The following ANKFN1 variants were observed in gnomAD, a reference collection of about 807,000 sequenced individuals.
The protein encoded by ANKFN1 is ankyrin repeat and fibronectin type III domain containing 1, also known as ankyrin repeat and fibronectin type-III domain-containing protein 1.
In ANKFN1, 74 loss-of-function variants were observed where a neutral mutation model predicts 108.7. The observed-to-expected ratio is 0.68, with a 90% CI of 0.56 to 0.83. ANKFN1 has a LOEUF of 0.83. Among genes scored for constraint, ANKFN1 ranks in the 40% least tolerant of loss-of-function variants. ANKFN1 has a pLI of 0.00. For synonymous variants in ANKFN1, 547 were observed against 516.2 expected (o/e 1.06, Z -0.81); for missense variants, 1,505 against 1,382.3 (o/e 1.09, Z -1.41).
intron 4 of ANKFN1, among the ~76,000 whole-genome samples, chr17:56,080,635 A>G (rs73325614): frequency 0.05 from 7,677 of 152,220 alleles, 625 homozygotes; most frequent in African/African-American, 0.17. Context: ...TTTCTACACC[A>G]TCCCCACCCA....
At chr17:56,284,559 T>A (rs1263236855) in intron 3 of ANKFN1, among the ~76,000 whole-genome samples, 1 of 152,138 alleles carries the variant, frequency 6.6e-6, no homozygotes, top group African/African-American at 2.4e-5. Context: ...CAAAACAATA[T>A]GTGATGGAAA....
intron 4 of ANKFN1, among the ~76,000 whole-genome samples, chr17:56,338,401 T>G (rs2045874325): frequency 6.6e-6 from 1 of 152,010 alleles, no homozygotes; most frequent in African/African-American, 2.4e-5. Context: ...TGTATACCTA[T>G]GTAACAAACC....
chr17:56,467,838 GAAAGAAAGAAAGAAA>G (rs2050177346), intron 15 of ANKFN1, among the ~76,000 whole-genome samples: 1 of 63,572 alleles, frequency 1.6e-5, no homozygotes, highest in Non-Finnish European at 3.0e-5. Flanking sequence ...AAGAAAGAAA[GAAAGAAAGAAAGAAA>G]AAGGGAAAGA....
chr17:56,172,085 T>C (rs1455443593), intron 1 of ANKFN1, among the ~76,000 whole-genome samples: 2 of 152,206 alleles, frequency 1.3e-5, no homozygotes, highest in African/African-American at 4.8e-5. Context: ...ATGACTAATA[T>C]AGTTTATTTT....
intron 4 of ANKFN1, among the ~76,000 whole-genome samples, chr17:56,113,020 G>A (rs546559450): frequency 1.3e-5 from 2 of 152,276 alleles, no homozygotes; most frequent in East Asian, 3.9e-4. Flanking sequence ...GAGCTAAATC[G>A]TATATGCAAC....
rs750155160 is a variant in ANKFN1, at chr17:56,440,370, AATCATC to A, written c.957_962del (p.Ile319_Ile320del). On this transcript the variant is annotated inframe_deletion, in exon 9 of 21. Transcript: ENST00000682825. ...AAGACTTTTCTCCTTTGGCTGGAGA[AATCATC>A]ATGGATAATCTGCAGACTCTGAGAT... 2 of 1,612,904 alleles carry A rather than the reference AATCATC, an allele frequency of 1.2e-6. No individual in the cohort carries two copies. The highest frequency in any genetic ancestry group is 1.7e-6 in the Non-Finnish European group (2 of 1,179,206).
At chr17:56,121,322 A>G (rs1381969238) in intron 4 of ANKFN1, among the ~76,000 whole-genome samples, 1 of 152,070 alleles carries the variant, frequency 6.6e-6, no homozygotes, top group Non-Finnish European at 1.5e-5. Context: ...AACGTCTTTC[A>G]GAGAATCAGC....
At chr17:56,160,541 C>T (rs1909557720) in intron 1 of ANKFN1, among the ~76,000 whole-genome samples, 1 of 152,094 alleles carries the variant, frequency 6.6e-6, no homozygotes, top group Non-Finnish European at 1.5e-5. Context: ...AAGGTTTATT[C>T]ATTTGCCAAG....
chr17:56,471,533 T>C (rs538259489), intron 15 of ANKFN1: 3 of 152,244 alleles, frequency 2.0e-5, no homozygotes, highest in African/African-American at 7.2e-5. Flanking sequence ...TTGCTGGAAA[T>C]GAGGCAATTG....
intron 4 of ANKFN1, among the ~76,000 whole-genome samples, chr17:56,075,930 G>A (rs1189948765): frequency 2.6e-5 from 4 of 152,136 alleles, no homozygotes; most frequent in African/African-American, 9.7e-5. Context: ...CAAACTTGAC[G>A]ACAAGACTGA....
At chr17:56,120,179 C>T (rs1349051115) in intron 4 of ANKFN1, among the ~76,000 whole-genome samples, 2 of 152,146 alleles carry the variant, frequency 1.3e-5, no homozygotes, top group African/African-American at 2.4e-5. Flanking sequence ...CTACTCTTGT[C>T]ATCATTGTCA....
chr17:56,224,632 A>G (rs1204108983), intron 2 of ANKFN1: 1 of 152,208 alleles, frequency 6.6e-6, no homozygotes, highest in African/African-American at 2.4e-5. Flanking sequence ...ATGAGTGTCA[A>G]TTGTAGGTTA....
At chr17:56,308,230 A>G (rs1345055411) in intron 3 of ANKFN1, among the ~76,000 whole-genome samples, 1 of 128,692 alleles carries the variant, frequency 7.8e-6, no homozygotes, top group Non-Finnish European at 1.8e-5. Flanking sequence ...TACAACTTAA[A>G]GTATAATAAA....
chr17:56,353,240 CT>C (rs61278649), intron 5 of ANKFN1, among the ~76,000 whole-genome samples: 24,932 of 142,906 alleles, frequency 0.17, 3,761 homozygotes, highest in African/African-American at 0.42. Context: ...CTCTTAATTA[CT>C]TTTTTTTTTT....
At chr17:56,221,368 C>T (rs992255677) in intron 2 of ANKFN1, among the ~76,000 whole-genome samples, 61 of 152,174 alleles carry the variant, frequency 4.0e-4, no homozygotes, top group African/African-American at 1.4e-3. Context: ...TATACATCTG[C>T]TTGTATATAT....
intron 3 of ANKFN1, among the ~76,000 whole-genome samples, chr17:56,301,545 A>G (rs2044669996): frequency 6.6e-6 from 1 of 152,232 alleles, no homozygotes; most frequent in East Asian, 1.9e-4. Flanking sequence ...AGCTAGGGGA[A>G]CACTTGTCTC....
intron 3 of ANKFN1, among the ~76,000 whole-genome samples, chr17:56,325,264 G>C (rs1270684512): frequency 4.1e-5 from 1 of 24,552 alleles, no homozygotes; most frequent in Non-Finnish European, 6.7e-5. Flanking sequence ...TAGTGTCGCT[G>C]TGTGTGTGTG....
intron 8 of ANKFN1, among the ~76,000 whole-genome samples, chr17:56,421,024 A>C (rs1448703375): frequency 6.6e-6 from 1 of 152,176 alleles, no homozygotes; most frequent in Non-Finnish European, 1.5e-5. Context: ...TTCTTTTAAA[A>C]TGAAAATATT....
upstream of ANKFN1, chr17:56,153,358 T>C (rs1598147782): frequency 1.1e-5 from 10 of 913,292 alleles, no homozygotes; most frequent in Middle Eastern, 2.5e-4. Flanking sequence ...TGGACACTCC[T>C]GGAGCCAAGC....
Sources: gnomAD v4.1 joint callset for allele counts (sites outside exome capture counted in the v4.1 genomes callset) on GRCh38, gnomAD v4.1.1 for gene constraint, MANE v1.5 for transcripts, NCBI Gene and HGNC (gene_info 2026-07-23, HGNC 2026-07-21) for gene names.